Variants in NOTCH2 observed in about 807,000 individuals in gnomAD.
The protein encoded by NOTCH2 is neurogenic locus notch homolog protein 2.
In NOTCH2, 29 loss-of-function variants were observed where a neutral mutation model predicts 235.8. The ratio of observed to expected loss-of-function variants is 0.12; its 90% confidence interval spans 0.09 to 0.17. The LOEUF (loss-of-function observed/expected upper bound fraction) is 0.17. Ranked by LOEUF, NOTCH2 falls within the 10% of genes least tolerant of loss-of-function variation. NOTCH2 has a pLI of 1.00. For synonymous variants in NOTCH2, 1,086 were observed against 1,141.5 expected, an observed-to-expected ratio of 0.95 and a Z score of 0.98; for missense variants, 2,285 against 3,150.2, an observed-to-expected ratio of 0.73 and a Z score of 6.57.
At chr1:119,928,277 T>C (rs1217036851) in intron 23 of NOTCH2, among the ~76,000 whole-genome samples, 3 of 152,196 alleles carry the variant, frequency 2.0e-5, no homozygotes, top group Non-Finnish European at 2.9e-5. Flanking sequence ...AAGCCTTTAC[T>C]GGGCAAGGCA....
intron 11 of NOTCH2, among the ~76,000 whole-genome samples, chr1:119,960,693 A>C (rs891926506): frequency 6.6e-6 from 1 of 151,634 alleles, no homozygotes; most frequent in Non-Finnish European, 1.5e-5. Context: ...TTTTTTTCAG[A>C]GATAGGGTCC....
Position 119,949,103 on chromosome 1 carries a change from C to T in NOTCH2, c.2503G>A (p.Ala835Thr), listed in dbSNP as rs1553197411. 5 of 1,614,160 alleles carry T rather than the reference C, an allele frequency of 3.1e-6. No individual in the cohort carries two copies. Among genetic ancestry groups the T allele is most frequent in the Non-Finnish European group, 4.2e-6 (5 of 1,180,010 alleles). ...TCACAAGGGTTTGGGGAACAGGGAG[C>T]CAATACTGTCTGACAATTCTTGCCT... Reference protein sequence around the residue: ...YTGKNCQTVLAPCSPNPCENA... With the variant: ...YTGKNCQTVLTPCSPNPCENA... The change falls in exon 16 of 34, where the codon GCT (alanine) becomes ACT (threonine). Residue 835 changes from alanine (A) to threonine (T), a missense_variant. By Grantham distance (58) the Ala-to-Thr change is moderately conservative. Transcript: ENST00000256646.
At chr1:120,011,087 A>G (rs587647224) in intron 2 of NOTCH2, among the ~76,000 whole-genome samples, 2 of 152,344 alleles carry the variant, frequency 1.3e-5, no homozygotes, top group Admixed American at 6.5e-5. Flanking sequence ...GATAGAAAGT[A>G]GATTAGTGTT....
At chr1:119,963,906 G>A (rs1553199337) in intron 10 of NOTCH2, 99 bp from the exon 11 acceptor site, 2 of 1,035,350 alleles carry the variant, frequency 1.9e-6, no homozygotes, top group African/African-American at 1.6e-5. Context: ...CACATTCGAT[G>A]TGTGGTCAAT....
intron 4 of NOTCH2, chr1:119,994,268 T>G (rs1376734428): frequency 3.9e-5 from 5 of 127,482 alleles, no homozygotes; most frequent in Non-Finnish European, 6.6e-5. Flanking sequence ...CTCTAGGCAC[T>G]ATTTCCCTTT....
chr1:119,925,553 A>C lies in NOTCH2; in HGVS notation c.4263T>G (p.Pro1421=), dbSNP rs1350213570. ...AATACTGGCTCAGACAGGTGGCAGG[A>C]GGGGTGCTGGGGGGTGCCGTGTAGA... ...CELYTAPPST[P]PATCLSQYCA... Residue 1421 remains proline, a synonymous_variant, in exon 25 of 34, where the codon CCT becomes CCG. Coordinates refer to ENST00000256646, the MANE Select transcript of NOTCH2 (RefSeq NM_024408.4). The C allele has an allele frequency of 5.6e-6, 9 of 1,613,900 alleles. No individual in the cohort carries two copies. The highest frequency in any genetic ancestry group is 7.6e-6 in the Non-Finnish European group (9 of 1,180,008).
chr1:119,937,201 G>T, intron 21 of NOTCH2, 81 bp downstream of exon 21: 1 of 1,356,920 alleles, frequency 7.4e-7, no homozygotes, highest in Non-Finnish European at 1.1e-6. Context: ...GATACAAGCA[G>T]CTAAATTCAA....
At chr1:119,952,667 T>C (rs1205071358) in intron 14 of NOTCH2, among the ~76,000 whole-genome samples, 2 of 152,170 alleles carry the variant, frequency 1.3e-5, no homozygotes, top group South Asian at 2.1e-4. Flanking sequence ...TAAATACAGA[T>C]GAAGCTTTGC....
At chr1:119,978,286 A>AG (rs1553201204) in intron 5 of NOTCH2, among the ~76,000 whole-genome samples, 4 of 152,276 alleles carry the variant, frequency 2.6e-5, no homozygotes, top group African/African-American at 9.6e-5. Flanking sequence ...GAAATGCATT[A>AG]GGGGAGTGAA....
intron 28 of NOTCH2, 56 bp downstream of exon 28, chr1:119,922,180 T>C: frequency 3.2e-6 from 5 of 1,545,304 alleles, no homozygotes; most frequent in Non-Finnish European, 3.6e-6. Flanking sequence ...AAGATATGCT[T>C]TTCTAGTCAT....
chr1:119,951,391 A>G (rs1218985875), intron 14 of NOTCH2, among the ~76,000 whole-genome samples: 1 of 152,108 alleles, frequency 6.6e-6, no homozygotes, highest in Non-Finnish European at 1.5e-5. Context: ...TGGCCAAGTG[A>G]TCCTCCCACC....
intron 20 of NOTCH2, 104 bp from the exon 21 acceptor site, chr1:119,937,570 C>G: frequency 8.8e-7 from 1 of 1,131,350 alleles, no homozygotes; most frequent in Non-Finnish European, 1.3e-6. Context: ...CACATCCAAT[C>G]TTATTCTTAG....
At chr1:119,947,574 A>C (rs1650305894) in intron 17 of NOTCH2, among the ~76,000 whole-genome samples, 1 of 152,218 alleles carries the variant, frequency 6.6e-6, no homozygotes, top group Admixed American at 6.5e-5. Flanking sequence ...AAAATAGTAC[A>C]ACCACCTTGG....
chr1:119,956,746 C>T (rs1296178385), intron 12 of NOTCH2, among the ~76,000 whole-genome samples: 1 of 152,192 alleles, frequency 6.6e-6, no homozygotes, highest in Admixed American at 6.5e-5. Flanking sequence ...AGCGTCTCCT[C>T]AGAAGCCACT....
chr1:119,983,117 TC>T (rs1651874804), intron 5 of NOTCH2, among the ~76,000 whole-genome samples: 4 of 152,204 alleles, frequency 2.6e-5, no homozygotes, highest in Non-Finnish European at 5.9e-5. Flanking sequence ...TATATTTAAT[TC>T]AATGTACCAA....
chr1:119,980,303 C>T (rs1319862151), intron 5 of NOTCH2, among the ~76,000 whole-genome samples: 1 of 152,166 alleles, frequency 6.6e-6, no homozygotes, highest in Non-Finnish European at 1.5e-5. Flanking sequence ...CTAAAGTATT[C>T]CCCACTAAAA....
At chr1:119,923,467 A>G (rs912263711) in intron 26 of NOTCH2, among the ~76,000 whole-genome samples, 170 bp downstream of exon 26, 3 of 152,226 alleles carry the variant, frequency 2.0e-5, no homozygotes, top group Non-Finnish European at 2.9e-5. Context: ...AGACGAAGGC[A>G]TATCTTTACA....
chr1:120,065,433 C>T (rs1221363963), intron 1 of NOTCH2, among the ~76,000 whole-genome samples: 20 of 152,092 alleles, frequency 1.3e-4, no homozygotes, highest in African/African-American at 4.8e-4. Flanking sequence ...TAACAATAAG[C>T]ACTTGAGGAT....
At chr1:120,026,938 C>T (rs1179914548) in intron 2 of NOTCH2, among the ~76,000 whole-genome samples, 4 of 128,900 alleles carry the variant, frequency 3.1e-5, no homozygotes, top group Non-Finnish European at 6.6e-5. Flanking sequence ...AGAATTTAGG[C>T]AGCTCCATTT....
Sources: gnomAD v4.1 joint callset for allele counts (sites outside exome capture counted in the v4.1 genomes callset) on GRCh38, gnomAD v4.1.1 for gene constraint, MANE v1.5 for transcripts, NCBI Gene and HGNC (gene_info 2026-07-23, HGNC 2026-07-21) for gene names.